Variants in NHEJ1 observed in about 807,000 individuals in gnomAD.
NHEJ1 encodes non-homologous end-joining factor 1.
Under a neutral mutation model 39.4 loss-of-function variants are expected in NHEJ1, and 22 were observed. The observed-to-expected ratio is 0.56, with a 90% CI of 0.40 to 0.80. The LOEUF is 0.80. NHEJ1 is among the 30% of genes least tolerant of loss of function. NHEJ1 has a pLI of 0.00. For missense variants in NHEJ1, 329 were observed against 357.1 expected (o/e 0.92, Z 0.63); for synonymous variants, 154 against 135.6 (o/e 1.14, Z -0.94).
chr2:219,126,526 G>T (rs554980594), intron 5 of NHEJ1, among the ~76,000 whole-genome samples: 1 of 152,148 alleles, frequency 6.6e-6, no homozygotes, highest in East Asian at 1.9e-4. Flanking sequence ...GCAGTTATGC[G>T]AATCAAATGA....
At chr2:219,137,595 A>AAAAAAAAAAAAAAAAGAAAAAAAAAC (rs143557047) in intron 5 of NHEJ1, among the ~76,000 whole-genome samples, 1 of 82,668 alleles carries the variant, frequency 1.2e-5, no homozygotes, top group Non-Finnish European at 3.0e-5. Context: ...AAAAAAAACA[A>AAAAAAAAAAAAAAAAGAAAAAAAAAC]AAAAAACTGA....
intron 5 of NHEJ1, among the ~76,000 whole-genome samples, chr2:219,137,595 A>AAAAAAAAAAAAAAATAAAAAAC (rs143557047): frequency 1.2e-5 from 1 of 82,668 alleles, no homozygotes; most frequent in Non-Finnish European, 3.0e-5. Context: ...AAAAAAAACA[A>AAAAAAAAAAAAAAATAAAAAAC]AAAAAACTGA....
Position 219,076,125 on chromosome 2 carries a change from A to G in NHEJ1, c.*256T>C, listed in dbSNP as rs901960105. On this transcript the variant is annotated 3_prime_UTR_variant, in exon 8 of 8. Transcript: ENST00000356853. ...GACTTGCCCTATATACCTAAAGTCC[A>G]TGGTAGAAACCTGAACCTACAGAAC... 6 of 704,932 alleles carry G rather than the reference A, an allele frequency of 8.5e-6. No homozygotes were observed. In the South Asian group the frequency reaches 1.2e-4, roughly 14 times the overall value. The allele number at this position is 704,932 out of a possible 1,614,324, so 43.7% of individuals were successfully genotyped here.
At chr2:219,117,944 G>C (rs1373743397) in intron 5 of NHEJ1, among the ~76,000 whole-genome samples, 1 of 152,240 alleles carries the variant, frequency 6.6e-6, no homozygotes. Context: ...AAATGGGGGT[G>C]TGGTAAGGGT....
intron 2 of NHEJ1, 69 bp downstream of exon 2, chr2:219,158,117 G>T: frequency 6.5e-7 from 1 of 1,550,064 alleles, no homozygotes; most frequent in Non-Finnish European, 8.9e-7. Flanking sequence ...CCTTCCTTGG[G>T]AAACTACAGG....
chr2:219,146,283 C>T (rs1021525340), intron 5 of NHEJ1, among the ~76,000 whole-genome samples: 1 of 152,160 alleles, frequency 6.6e-6, no homozygotes, highest in African/African-American at 2.4e-5. Flanking sequence ...CCTTCCTCTC[C>T]TGCAGGATCC....
intron 5 of NHEJ1, among the ~76,000 whole-genome samples, chr2:219,134,518 T>C (rs1010032961): frequency 1.3e-5 from 2 of 152,230 alleles, no homozygotes; most frequent in African/African-American, 2.4e-5. Context: ...TGGCTATTAC[T>C]CCTTCCAGTT....
chr2:219,135,489 A>G (rs1399464634), intron 5 of NHEJ1, among the ~76,000 whole-genome samples: 1 of 152,132 alleles, frequency 6.6e-6, no homozygotes, highest in Non-Finnish European at 1.5e-5. Flanking sequence ...GGTGCCTGTA[A>G]TCTTAGTAAT....
At position 219,090,349 on chromosome 2, in the gene NHEJ1, T is replaced by G. The variant is rs182526628; in HGVS notation, c.589-12143A>C. Among the ~76,000 whole-genome samples the G allele has an allele frequency of 2.0e-3, 301 of 152,362 alleles. 1 individual carries two copies. Among genetic ancestry groups the G allele is most frequent in the Middle Eastern group, 6.8e-3 (2 of 294 alleles). On this transcript the variant is annotated intron_variant, in intron 5 of 7. Transcript: ENST00000356853. ...GTGGAATGGGAATGATATTACTGCC[T>G]GCACTATGGAGTTATTATGAGGATT...
At chr2:219,124,406 G>A (rs529700042) in intron 5 of NHEJ1, among the ~76,000 whole-genome samples, 5 of 151,900 alleles carry the variant, frequency 3.3e-5, no homozygotes, top group Non-Finnish European at 7.4e-5. Context: ...TGCCCAAACA[G>A]GGTTTTCCAT....
At chr2:219,121,549 C>T (rs1949471587) in intron 5 of NHEJ1, among the ~76,000 whole-genome samples, 1 of 152,048 alleles carries the variant, frequency 6.6e-6, no homozygotes, top group African/African-American at 2.4e-5. Flanking sequence ...GACATCAAAA[C>T]CTCAAGAGCA....
intron 5 of NHEJ1, among the ~76,000 whole-genome samples, chr2:219,142,072 A>G (rs985903564): frequency 6.6e-6 from 1 of 152,242 alleles, no homozygotes; most frequent in Non-Finnish European, 1.5e-5. Context: ...TAGGCAGAAT[A>G]TAACAACCAT....
intron 3 of NHEJ1, among the ~76,000 whole-genome samples, chr2:219,156,692 A>G (rs997507878): frequency 1.7e-4 from 26 of 152,246 alleles, no homozygotes; most frequent in African/African-American, 6.3e-4. Flanking sequence ...TTCTACTCTG[A>G]AAAACAAGGA....
intron 5 of NHEJ1, among the ~76,000 whole-genome samples, chr2:219,088,495 G>C (rs953180037): frequency 2.9e-5 from 4 of 138,726 alleles, no homozygotes; most frequent in Non-Finnish European, 6.3e-5. Context: ...CCTGTCTCAA[G>C]AAAAGAAAAA....
intron 5 of NHEJ1, among the ~76,000 whole-genome samples, chr2:219,126,614 G>A (rs1326947639): frequency 6.6e-6 from 1 of 152,236 alleles, no homozygotes; most frequent in Non-Finnish European, 1.5e-5. Context: ...GATCAGACAA[G>A]TTAAACAAGA....
intron 5 of NHEJ1, among the ~76,000 whole-genome samples, chr2:219,113,382 G>A (rs1484320094): frequency 6.6e-6 from 1 of 151,986 alleles, no homozygotes; most frequent in Non-Finnish European, 1.5e-5. Flanking sequence ...AATAGAAAAG[G>A]GGAGGAAAAT....
intron 5 of NHEJ1, among the ~76,000 whole-genome samples, chr2:219,118,573 G>A (rs1360734645): frequency 5.3e-5 from 8 of 152,160 alleles, no homozygotes; most frequent in Admixed American, 1.3e-4. Flanking sequence ...GAGGTTTCTC[G>A]GGTGAAACAC....
Position 219,147,786 on chromosome 2 carries a change from G to C in NHEJ1, c.400C>G (p.His134Asp), listed in dbSNP as rs61753340. The change falls in exon 4 of 8, where the codon CAT becomes GAT. Residue 134 changes from histidine (H) to aspartate (D), a missense_variant. By Grantham distance (81) the His-to-Asp change is moderately conservative. Coordinates refer to ENST00000356853, the MANE Select transcript of NHEJ1 (RefSeq NM_024782.3). ...ATGCCCATCAGAGGACGAATCAAATGTTGGGAGACCTTTGAGGGAAGAGAT... is the reference window on the plus strand; with the variant it reads ...ATGCCCATCAGAGGACGAATCAAATCTTGGGAGACCTTTGAGGGAAGAGAT... Reference protein sequence around the residue: ...MLASPSLVSQHLIRPLMGMSL... With the variant: ...MLASPSLVSQDLIRPLMGMSL... 1.9e-6 allele frequency: 3 copies of C among 1,614,160 alleles called. No individual in the cohort carries two copies. The highest frequency in any genetic ancestry group is 2.5e-6 in the Non-Finnish European group (3 of 1,180,010).
chr2:219,080,556 T>A lies in NHEJ1; in HGVS notation c.589-2350A>T, dbSNP rs577769950. ...AAATAAATAAATAAATAAAAATATA[T>A]ATATATATATATGCTTTTATATATA... On this transcript the variant is annotated intron_variant, in intron 5 of 7. Transcript: ENST00000356853. Among the ~76,000 whole-genome samples, 966 of 144,748 alleles carry A rather than the reference T, an allele frequency of 6.7e-3. 25 individuals carry two copies. The highest frequency in any genetic ancestry group is 0.011 in the Non-Finnish European group (699 of 66,406). 95.0% of individuals were successfully genotyped at this position (144,748 alleles called of 152,430 possible).
Sources: allele counts gnomAD v4.1 joint callset (sites outside exome capture counted in the v4.1 genomes callset), GRCh38; gene constraint gnomAD v4.1.1; transcripts MANE v1.5; gene names NCBI Gene and HGNC (gene_info 2026-07-23, HGNC 2026-07-21).